TFEC: variants seen among roughly 807,000 people sequenced by gnomAD.
TFEC encodes the protein class E basic helix-loop-helix protein 34.
In TFEC, 31 loss-of-function variants were observed where a neutral mutation model predicts 41.6. That is an observed-to-expected ratio of 0.74 (90% CI 0.56 to 1.01). The LOEUF (loss-of-function observed/expected upper bound fraction) is 1.01. Among genes scored for constraint, TFEC ranks in the 50% least tolerant of loss-of-function variants. TFEC has a pLI of 0.00. For missense variants in TFEC, 402 were observed against 404.1 expected, an observed-to-expected ratio of 0.99 and a Z score of 0.04; for synonymous variants, 143 against 140.6, an observed-to-expected ratio of 1.02 and a Z score of -0.12.
At chr7:116,125,291 G>A (rs1798186815) in intron 1 of TFEC, among the ~76,000 whole-genome samples, 1 of 152,202 alleles carries the variant, frequency 6.6e-6, no homozygotes, top group Non-Finnish European at 1.5e-5. Context: ...AAGGCACTGA[G>A]TTGATAAAGC....
chr7:116,031,996 C>T (rs1370947037), upstream of TFEC, among the ~76,000 whole-genome samples: 1 of 151,956 alleles, frequency 6.6e-6, no homozygotes, highest in South Asian at 2.1e-4. Context: ...TTAGAAAATA[C>T]TTTAGATTGA....
At chr7:116,158,809 T>C (rs955367758) in intron 1 of TFEC, among the ~76,000 whole-genome samples, 2 of 152,098 alleles carry the variant, frequency 1.3e-5, no homozygotes, top group African/African-American at 4.8e-5. Context: ...AATCCTAATT[T>C]AATATGTGAA....
intron 1 of TFEC, among the ~76,000 whole-genome samples, chr7:116,148,520 A>C (rs1798689238): frequency 1.3e-5 from 2 of 152,278 alleles, no homozygotes; most frequent in South Asian, 4.1e-4. Flanking sequence ...AAATGGTGAG[A>C]GGTGGCTGGA....
chr7:116,138,094 C>A (rs1423747226), intron 1 of TFEC, among the ~76,000 whole-genome samples: 1 of 152,106 alleles, frequency 6.6e-6, no homozygotes, highest in Non-Finnish European at 1.5e-5. Flanking sequence ...CTACGTAAAT[C>A]TGCCTCTCCA....
chr7:116,110,954 C>A (rs1035696772), intron 2 of TFEC: 11 of 1,252,526 alleles, frequency 8.8e-6, no homozygotes, highest in Non-Finnish European at 9.6e-6. Flanking sequence ...AAAAAAGGAG[C>A]ACTGTAAAAC....
chr7:116,108,224 T>G (rs1249187827), intron 3 of TFEC, among the ~76,000 whole-genome samples: 1 of 152,190 alleles, frequency 6.6e-6, no homozygotes, highest in Non-Finnish European at 1.5e-5. Flanking sequence ...GCATTGTTAT[T>G]GAAAGTTTAC....
At position 115,993,760 on chromosome 7, in the gene TFEC, C is replaced by T. The variant is rs560046639; in HGVS notation, c.-72-9247G>A. 6.6e-5 allele frequency among the ~76,000 whole-genome samples: 10 copies of T among 152,232 alleles called. No individual in the cohort carries two copies. The East Asian group carries it at 1.7e-3, about 26-fold the overall frequency. On this transcript the variant is annotated intron_variant, in intron 1 of 7. Coordinates refer to ENST00000265440, the MANE Select transcript of TFEC (RefSeq NM_012252.4). ...GCTCGTGGATAGGAAGAATCAATAT[C>T]GTGAAAATGGCCATACTGCCCAAGG...
At chr7:115,974,309 T>C (rs1793270081) in intron 2 of TFEC, 53 bp from the exon 3 acceptor site, 4 of 1,370,812 alleles carry the variant, frequency 2.9e-6, no homozygotes, top group Non-Finnish European at 3.8e-6. Flanking sequence ...AAAGTTGTGC[T>C]TCAGTCTGAA....
At chr7:116,010,154 G>A (rs1490391405) in intron 1 of TFEC, among the ~76,000 whole-genome samples, 1 of 152,160 alleles carries the variant, frequency 6.6e-6, no homozygotes, top group Non-Finnish European at 1.5e-5. Flanking sequence ...TAATGACATG[G>A]TCCAAAGGGG....
chr7:116,033,768 G>A (rs116282253), upstream of TFEC, among the ~76,000 whole-genome samples: 105 of 152,162 alleles, frequency 6.9e-4, no homozygotes, highest in African/African-American at 2.4e-3. Flanking sequence ...TAGAATACAA[G>A]CAAGTGTTCT....
intron 1 of TFEC, among the ~76,000 whole-genome samples, chr7:115,990,640 A>C (rs1464784341): frequency 2.0e-5 from 3 of 152,198 alleles, no homozygotes; most frequent in African/African-American, 7.2e-5. Flanking sequence ...TCAGTGATTG[A>C]AGATCAAAGG....
At chr7:116,046,580 T>C (rs1348139632) in intron 3 of TFEC, among the ~76,000 whole-genome samples, 1 of 152,146 alleles carries the variant, frequency 6.6e-6, no homozygotes, top group South Asian at 2.1e-4. Flanking sequence ...TGAAATAATA[T>C]AACCTACAAT....
At chr7:116,058,685 A>G (rs1025686979) in intron 3 of TFEC, among the ~76,000 whole-genome samples, 4 of 151,842 alleles carry the variant, frequency 2.6e-5, no homozygotes, top group Non-Finnish European at 5.9e-5. Context: ...CATATCATGC[A>G]AAATACGTTC....
intron 6 of TFEC, among the ~76,000 whole-genome samples, chr7:115,943,689 T>C (rs1203629026): frequency 1.3e-5 from 2 of 151,706 alleles, no homozygotes; most frequent in Admixed American, 6.6e-5. Flanking sequence ...ACAAATATTA[T>C]ATAGGGTGGT....
At position 116,111,455 on chromosome 7, in the gene TFEC, C is replaced by T. The variant is rs565876159; in HGVS notation, c.-21-529G>A. 9.2e-5 allele frequency among the ~76,000 whole-genome samples: 14 copies of T among 152,178 alleles called. No homozygotes were observed. The South Asian group carries it at 2.9e-3, about 32-fold the overall frequency. The stretch of plus-strand genomic sequence containing the variant: ...TAAGTGCACTAACAAGTGACCCATA[C>T]ATCTCCCCGGATGAAAGTTGTATCC... On this transcript the variant is annotated intron_variant, in intron 2 of 8. Coordinates refer to the TFEC transcript ENST00000484212.
In TFEC at chr7:115,940,494, T is replaced by C. The variant is rs1042135631; in HGVS notation, c.*57A>G. ...GCAACATATGAAACACAGAGCATAA[T>C]TGCATAGCACCAGCATAGAATTGCT... On this transcript the variant is annotated 3_prime_UTR_variant, in exon 8 of 8. Coordinates refer to ENST00000265440, the MANE Select transcript of TFEC (RefSeq NM_012252.4). The C allele has an allele frequency of 5.9e-6, 9 of 1,526,872 alleles. No individual in the cohort carries two copies. The Admixed American group carries it at 6.0e-5, about 10-fold the overall frequency. 94.6% of individuals were successfully genotyped at this position (1,526,872 alleles called of 1,614,324 possible).
intron 1 of TFEC, among the ~76,000 whole-genome samples, chr7:116,027,768 AG>A (rs1021704121): frequency 7.2e-5 from 11 of 152,336 alleles, no homozygotes; most frequent in African/African-American, 2.6e-4. Context: ...TTTCAAGAAG[AG>A]AGACAATTTG....
intron 3 of TFEC, among the ~76,000 whole-genome samples, chr7:115,973,659 A>T (rs1041817821): frequency 3.9e-5 from 6 of 152,060 alleles, no homozygotes; most frequent in Non-Finnish European, 5.9e-5. Flanking sequence ...TACATACTTT[A>T]AAGGAGGGTG....
intron 4 of TFEC, 26 bp from the exon 5 acceptor site, chr7:115,954,668 C>T (rs1273405025): frequency 6.3e-7 from 1 of 1,597,686 alleles, no homozygotes; most frequent in Admixed American, 1.7e-5. Flanking sequence ...ATAATAAAAA[C>T]CATGCTTAGT....
Sources: allele counts gnomAD v4.1 joint callset (sites outside exome capture counted in the v4.1 genomes callset), GRCh38; gene constraint gnomAD v4.1.1; transcripts MANE v1.5; gene names NCBI Gene and HGNC (gene_info 2026-07-23, HGNC 2026-07-21).